CGNL1: variants seen among roughly 807,000 people sequenced by gnomAD.
The protein encoded by CGNL1 is cingulin like 1.
CGNL1 carries 132 observed loss-of-function variants against 141.2 expected under a neutral mutation model. The observed-to-expected ratio is 0.93, with a 90% confidence interval of 0.81 to 1.08. CGNL1 has a LOEUF of 1.08. CGNL1 is among the 50% of genes least tolerant of loss of function. The pLI is 0.00. For missense variants in CGNL1, 1,870 were observed against 1,588.6 expected (o/e 1.18, Z -3.01); for synonymous variants, 690 against 622.1 (o/e 1.11, Z -1.63).
chr15:57,395,393 C>G (rs527458324), intron 1 of CGNL1, among the ~76,000 whole-genome samples: 1 of 152,340 alleles, frequency 6.6e-6, no homozygotes, highest in Non-Finnish European at 1.5e-5. Context: ...ATGTGTGACT[C>G]CTGCCAGTTT....
intron 7 of CGNL1, among the ~76,000 whole-genome samples, chr15:57,457,320 A>G (rs1271761302): frequency 1.3e-5 from 2 of 152,202 alleles, no homozygotes; most frequent in African/African-American, 2.4e-5. Flanking sequence ...CTCAGTGCGC[A>G]TGGTCGTGGG....
intron 4 of CGNL1, among the ~76,000 whole-genome samples, chr15:57,445,894 A>G (rs1250442861): frequency 1.3e-5 from 2 of 152,216 alleles, no homozygotes; most frequent in African/African-American, 2.4e-5. Flanking sequence ...ATCCATTAAT[A>G]TTCATACTCA....
intron 8 of CGNL1, among the ~76,000 whole-genome samples, chr15:57,495,052 C>A (rs1389553413): frequency 6.6e-6 from 1 of 152,144 alleles, no homozygotes; most frequent in African/African-American, 2.4e-5. Flanking sequence ...TTTTAAAAAT[C>A]TTTCTTTACA....
chr15:57,477,565 A>G (rs561937887), intron 8 of CGNL1: 11 of 152,320 alleles, frequency 7.2e-5, no homozygotes, highest in African/African-American at 2.4e-4. Flanking sequence ...AAGGAAAGGT[A>G]TGTTCTTTGG....
rs1417948910 is a variant in CGNL1, at chr15:57,408,061, TTC to T, written c.-15-29920_-15-29919del. ...ACCGTTACCAGCAGAAAAAAAATTA[TTC>T]TCTTTGGTATTTTCAAAATATGTGG... On this transcript the variant is annotated intron_variant, in intron 1 of 18. Coordinates refer to ENST00000281282, the MANE Select transcript of CGNL1 (RefSeq NM_032866.5). Among the ~76,000 whole-genome samples, 19 of 152,058 alleles carry T rather than the reference TTC, an allele frequency of 1.2e-4. 1 individual carries two copies.
At chr15:57,443,556 T>C (rs530768819) in intron 4 of CGNL1, among the ~76,000 whole-genome samples, 1 of 152,286 alleles carries the variant, frequency 6.6e-6, no homozygotes, top group African/African-American at 2.4e-5. Context: ...CCTACCATCT[T>C]TACTACTTGT....
chr15:57,420,239 C>T (rs1284383456), intron 1 of CGNL1, among the ~76,000 whole-genome samples: 3 of 152,108 alleles, frequency 2.0e-5, no homozygotes, highest in Non-Finnish European at 2.9e-5. Flanking sequence ...TATTAGAGAC[C>T]AAGATCTGGG....
chr15:57,527,828 G>C (rs1421402794), intron 12 of CGNL1: 2 of 152,246 alleles, frequency 1.3e-5, no homozygotes, highest in East Asian at 3.8e-4. Context: ...CATTAATTCA[G>C]TTGTGTGTTC....
chr15:57,405,772 C>CTCCTTTCTTTCTT (rs1555430994), intron 1 of CGNL1, among the ~76,000 whole-genome samples: 6 of 123,492 alleles, frequency 4.9e-5, no homozygotes, highest in African/African-American at 2.0e-4. Context: ...TTCTTTCTTT[C>CTCCTTTCTTTCTT]TCTTTCTTTC....
chr15:57,547,334 TG>T lies in CGNL1; in HGVS notation c.3774-20del, dbSNP rs764141284. On this transcript the variant is annotated intron_variant, in intron 18 of 18. Coordinates refer to ENST00000281282, the MANE Select transcript of CGNL1 (RefSeq NM_032866.5). ...GGCCCCGGCCCAGGGCCAGGAAACATGCCCCTTGTCATTTCAGCAGACTGAA... is the reference window on the plus strand; with the variant it reads ...GGCCCCGGCCCAGGGCCAGGAAACATCCCCTTGTCATTTCAGCAGACTGAA... 6 of 1,613,048 alleles carry T rather than the reference TG, an allele frequency of 3.7e-6. No homozygotes were observed. In the Admixed American group the frequency reaches 8.4e-5, roughly 22 times the overall value.
At chr15:57,400,657 C>T (rs1036440925) in intron 1 of CGNL1, among the ~76,000 whole-genome samples, 16 of 151,872 alleles carry the variant, frequency 1.1e-4, no homozygotes, top group Non-Finnish European at 8.8e-5. Flanking sequence ...CCAAGGCGGG[C>T]GGATCATCTG....
chr15:57,432,569 T>C (rs1489333924), intron 1 of CGNL1, among the ~76,000 whole-genome samples: 1 of 152,248 alleles, frequency 6.6e-6, no homozygotes, highest in African/African-American at 2.4e-5. Flanking sequence ...TGGCGATTGA[T>C]CAGCGTTTAC....
intron 1 of CGNL1, among the ~76,000 whole-genome samples, chr15:57,435,680 C>G (rs2063098037): frequency 6.6e-6 from 1 of 151,942 alleles, no homozygotes; most frequent in African/African-American, 2.4e-5. Context: ...AGAATTATCA[C>G]CAAGCAAAAC....
intron 1 of CGNL1, among the ~76,000 whole-genome samples, chr15:57,412,874 C>G (rs975366284): frequency 2.0e-5 from 3 of 151,260 alleles, no homozygotes; most frequent in Admixed American, 2.0e-4. Flanking sequence ...CTTTTTTTTT[C>G]TTTTTGAGAC....
chr15:57,504,230 C>G (rs1214729168), intron 8 of CGNL1, among the ~76,000 whole-genome samples: 1 of 152,200 alleles, frequency 6.6e-6, no homozygotes, highest in East Asian at 1.9e-4. Flanking sequence ...TTCATCCTCA[C>G]CACCACCCTG....
rs764716016 is a variant in CGNL1, at chr15:57,516,789, G to A, written c.2413G>A (p.Val805Ile). 12 of 1,614,110 alleles carry A rather than the reference G, an allele frequency of 7.4e-6. No homozygotes were observed. The highest frequency in any genetic ancestry group is 1.3e-5 in the African/African-American group (1 of 75,064). The change falls in exon 9 of 19, where the codon GTC (valine) becomes ATC (isoleucine). Residue 805 changes from valine to isoleucine, a missense_variant. Coordinates refer to ENST00000281282, the MANE Select transcript of CGNL1 (RefSeq NM_032866.5). ...SVEEATKNVEVLASRSNTSEQ... is the reference protein window; with the variant it reads ...SVEEATKNVEILASRSNTSEQ... ...TTTGTGTTTTTAACAGAATGTCGAG[G>A]TCTTGGCGAGCAGGAGCAACACTTC...
intron 8 of CGNL1, among the ~76,000 whole-genome samples, chr15:57,492,677 C>T (rs1429702118): frequency 6.9e-6 from 1 of 143,998 alleles, no homozygotes; most frequent in Non-Finnish European, 1.5e-5. Flanking sequence ...CGATCAACTT[C>T]ATGACTTTTG....
chr15:57,448,593 A>G (rs556994206), intron 4 of CGNL1, among the ~76,000 whole-genome samples: 2 of 152,256 alleles, frequency 1.3e-5, no homozygotes, highest in African/African-American at 4.8e-5. Context: ...GGTTGCAGTG[A>G]GCCAAGATCT....
intron 8 of CGNL1, among the ~76,000 whole-genome samples, chr15:57,511,272 G>C (rs185312822): frequency 3.3e-5 from 5 of 152,234 alleles, no homozygotes; most frequent in African/African-American, 1.2e-4. Flanking sequence ...TATACACACA[G>C]AAGCATGCTA....
Sources: gnomAD v4.1 joint callset for allele counts (sites outside exome capture counted in the v4.1 genomes callset) on GRCh38, gnomAD v4.1.1 for gene constraint, MANE v1.5 for transcripts, NCBI Gene and HGNC (gene_info 2026-07-23, HGNC 2026-07-21) for gene names.